Variants in TPD52 observed in about 807,000 individuals in gnomAD.
TPD52 encodes the protein prostate and colon associated protein.
TPD52 carries 17 observed loss-of-function variants against 31.3 expected under a neutral mutation model. That is an observed-to-expected ratio of 0.54 (90% confidence interval 0.37 to 0.82). TPD52 has a LOEUF of 0.82. Among genes scored for constraint, TPD52 ranks in the 40% least tolerant of loss-of-function variants. TPD52 has a pLI of 0.00. For missense variants in TPD52, 212 were observed against 240.1 expected, an observed-to-expected ratio of 0.88 and a Z score of 0.77; for synonymous variants, 83 against 89.6, an observed-to-expected ratio of 0.93 and a Z score of 0.42.
At chr8:80,117,876 G>A (rs1200012833) in intron 1 of TPD52, among the ~76,000 whole-genome samples, 1 of 151,716 alleles carries the variant, frequency 6.6e-6, no homozygotes, top group Non-Finnish European at 1.5e-5. Flanking sequence ...GGGACTACAG[G>A]CGCGTGCCAC....
rs140693802 is a variant in TPD52, at chr8:80,102,121, C to T, written c.20-37528G>A. 1.6e-4 allele frequency among the ~76,000 whole-genome samples: 25 copies of T among 152,332 alleles called. No homozygotes were observed. In the East Asian group the frequency reaches 4.4e-3, roughly 27 times the overall value. On this transcript the variant is annotated intron_variant, in intron 1 of 7. Coordinates refer to ENST00000518937, the MANE Select transcript of TPD52 (RefSeq NM_001025253.3). ...TACTCCAAAACTCAGCAGCTTAAAA[C>T]ATTGAACATTTACCATCTCACAGAT...
chr8:80,123,727 A>G lies in TPD52; in HGVS notation c.19+47698T>C, dbSNP rs574076285. Among the ~76,000 whole-genome samples the G allele has an allele frequency of 2.2e-4, 34 of 152,356 alleles. 1 individual carries two copies. In the Middle Eastern group the frequency reaches 0.01, roughly 46 times the overall value. The stretch of plus-strand genomic sequence containing the variant: ...ATTGTAGCTGAAAACTTGAAAATGT[A>G]TAAGCTCTCTGAAGGAGGGCACAGA... On this transcript the variant is annotated intron_variant, in intron 1 of 7. Transcript: ENST00000518937.
intron 1 of TPD52, among the ~76,000 whole-genome samples, chr8:80,071,155 C>A (rs756839429): frequency 6.6e-6 from 1 of 152,154 alleles, no homozygotes; most frequent in Non-Finnish European, 1.5e-5. Context: ...ACCCTGCCAA[C>A]GCCTTCATTT....
chr8:80,047,658 A>G (rs1810999886), intron 5 of TPD52, among the ~76,000 whole-genome samples: 1 of 152,234 alleles, frequency 6.6e-6, no homozygotes, highest in Non-Finnish European at 1.5e-5. Context: ...AAACAGAGAA[A>G]AGTTCATTAA....
At position 80,072,650 on chromosome 8, in the gene TPD52, C is replaced by CAGATATGTGTGTATATACATGTACACAT. The variant is rs1814001200; in HGVS notation, c.20-8085_20-8058dup. 1.9e-5 allele frequency among the ~76,000 whole-genome samples: 2 copies of CAGATATGTGTGTATATACATGTACACAT among 103,810 alleles called. 1 individual carries two copies. Among genetic ancestry groups the CAGATATGTGTGTATATACATGTACACAT allele is most frequent in the Admixed American group, 1.9e-4 (2 of 10,746 alleles). The allele number at this position is 103,810 out of a possible 152,430, so 68.1% of individuals were successfully genotyped here. A position where few individuals can be genotyped will look rare whatever the true frequency, so the allele number is the denominator to read the frequency against. ...AGATATGCGTGTATATACATGTACA[C>CAGATATGTGTGTATATACATGTACACAT]AGATATGTGTGTATATACATGTACA... On this transcript the variant is annotated intron_variant, in intron 1 of 7. Transcript: ENST00000518937.
At chr8:80,145,046 A>T (rs1810098978) in intron 1 of TPD52, among the ~76,000 whole-genome samples, 1 of 152,216 alleles carries the variant, frequency 6.6e-6, no homozygotes, top group African/African-American at 2.4e-5. Flanking sequence ...CAACTAACTC[A>T]GGCTCAGCTG....
intron 2 of TPD52, among the ~76,000 whole-genome samples, chr8:80,056,658 C>A (rs1811918962): frequency 6.6e-6 from 1 of 152,088 alleles, no homozygotes; most frequent in African/African-American, 2.4e-5. Flanking sequence ...CAAGGAGATA[C>A]CACTTCATAC....
At chr8:80,108,466 C>G (rs571730489) in intron 1 of TPD52, among the ~76,000 whole-genome samples, 18 of 152,256 alleles carry the variant, frequency 1.2e-4, no homozygotes, top group Middle Eastern at 3.4e-3. Context: ...TAGAATTTAA[C>G]TATGGCCATC....
chr8:80,044,037 T>C, intron 6 of TPD52, 130 bp downstream of exon 6: 1 of 708,936 alleles, frequency 1.4e-6, no homozygotes, highest in Non-Finnish European at 2.3e-6. Flanking sequence ...TGAAAACTGA[T>C]AGAGTGTTAA....
chr8:80,131,863 C>T (rs1266615571), intron 1 of TPD52, among the ~76,000 whole-genome samples: 3 of 152,004 alleles, frequency 2.0e-5, no homozygotes, highest in Non-Finnish European at 2.9e-5. Flanking sequence ...TCTATGAAGA[C>T]GCAATTCAGC....
intron 1 of TPD52, among the ~76,000 whole-genome samples, chr8:80,098,667 C>T (rs1423819653): frequency 1.3e-5 from 2 of 152,166 alleles, no homozygotes; most frequent in Admixed American, 6.5e-5. Context: ...GGTGAAGATG[C>T]CGTAAACACT....
chr8:80,080,898 C>G, intron 1 of TPD52: 1 of 345,330 alleles, frequency 2.9e-6, no homozygotes. Context: ...CTGACCATGA[C>G]TACACCAGGG....
chr8:80,060,658 C>G (rs2130643022), intron 2 of TPD52, among the ~76,000 whole-genome samples: 1 of 150,954 alleles, frequency 6.6e-6, no homozygotes, highest in South Asian at 2.1e-4. Context: ...AAGGATGATT[C>G]AACACATGAA....
intron 1 of TPD52, among the ~76,000 whole-genome samples, chr8:80,095,080 T>C (rs967257305): frequency 1.3e-5 from 2 of 152,126 alleles, no homozygotes; most frequent in Non-Finnish European, 2.9e-5. Flanking sequence ...TGAATGGTCA[T>C]AGTGGCTTTA....
intron 1 of TPD52, among the ~76,000 whole-genome samples, chr8:80,124,030 A>C (rs1163508760): frequency 6.6e-6 from 1 of 152,224 alleles, no homozygotes; most frequent in East Asian, 1.9e-4. Context: ...AACATGACTA[A>C]AAGGTAAGAA....
intron 1 of TPD52, among the ~76,000 whole-genome samples, chr8:80,148,347 C>T (rs541748171): frequency 2.0e-3 from 131 of 65,768 alleles, no homozygotes; most frequent in Non-Finnish European, 3.0e-3. Context: ...TGTGTGTGTA[C>T]AGAGAGAATC....
chr8:80,092,203 T>C (rs1012785954), intron 1 of TPD52, among the ~76,000 whole-genome samples: 2 of 152,190 alleles, frequency 1.3e-5, no homozygotes, highest in African/African-American at 4.8e-5. Context: ...TTTTGAAATC[T>C]ACAATACATT....
At chr8:80,128,849 T>C (rs1245901565) in intron 1 of TPD52, among the ~76,000 whole-genome samples, 1 of 151,954 alleles carries the variant, frequency 6.6e-6, no homozygotes, top group East Asian at 1.9e-4. Context: ...TGTTTCATGT[T>C]TTCTAAATTT....
intron 7 of TPD52, among the ~76,000 whole-genome samples, chr8:80,040,498 G>A (rs560090206): frequency 2.6e-5 from 4 of 151,972 alleles, no homozygotes; most frequent in African/African-American, 9.7e-5. Flanking sequence ...CCAACATATT[G>A]TATGTTTTTA....
Sources: gnomAD v4.1 joint callset for allele counts (sites outside exome capture counted in the v4.1 genomes callset) on GRCh38, gnomAD v4.1.1 for gene constraint, MANE v1.5 for transcripts, NCBI Gene and HGNC (gene_info 2026-07-23, HGNC 2026-07-21) for gene names.